CCDC136: variants seen among roughly 807,000 people sequenced by gnomAD.
The protein encoded by CCDC136 is coiled-coil domain containing 136.
Under a neutral mutation model 141.2 loss-of-function variants are expected in CCDC136, and 100 were observed. The ratio of observed to expected loss-of-function variants is 0.71; its 90% CI spans 0.60 to 0.84. CCDC136 has a LOEUF of 0.84. Ranked by LOEUF, CCDC136 falls within the 40% of genes least tolerant of loss-of-function variation. The pLI is 0.00. For synonymous variants in CCDC136, 474 were observed against 531.9 expected (o/e 0.89, Z 1.50); for missense variants, 1,206 against 1,379.4 (o/e 0.87, Z 1.99).
At chr7:128,811,428 G>C (rs950687891) in intron 12 of CCDC136, 1 of 457,368 alleles carries the variant, frequency 2.2e-6, no homozygotes, top group African/African-American at 2.0e-5. Context: ...GGTGGGCGAG[G>C]GGACTGAGCC....
In CCDC136 at chr7:128,815,812, G is replaced by A; in HGVS notation, c.3244G>A (p.Glu1082Lys). ...ATCCACAGAAGATCAGGAGGAAAAT[G>A]AAGAGGACAAAGAGGAAGAGGAGAA... ...AKSTEDQEEN[E>K]EDKEEEEKEE... The change falls in exon 16 of 18, where the codon GAA (glutamate) becomes AAA (lysine). Residue 1082 changes from glutamate to lysine, a missense_variant. Transcript: ENST00000297788. The A allele has an allele frequency of 5.0e-6, 8 of 1,606,524 alleles. No individual in the cohort carries two copies. The highest frequency in any genetic ancestry group is 6.8e-6 in the Non-Finnish European group (8 of 1,176,538).
At chr7:128,816,378 G>A (rs1444472427) in intron 16 of CCDC136, among the ~76,000 whole-genome samples, 1 of 152,208 alleles carries the variant, frequency 6.6e-6, no homozygotes, top group Non-Finnish European at 1.5e-5. Context: ...AACCTTTGTT[G>A]TTGCTGTTAG....
chr7:128,795,638 A>G (rs969990689), intron 3 of CCDC136, among the ~76,000 whole-genome samples: 1 of 152,104 alleles, frequency 6.6e-6, no homozygotes, highest in Non-Finnish European at 1.5e-5. Context: ...GTGGCAGGAC[A>G]CGTGTCACAT....
chr7:128,812,537 C>T (rs111429446), intron 13 of CCDC136, among the ~76,000 whole-genome samples, 171 bp from the exon 14 acceptor site: 122 of 151,892 alleles, frequency 8.0e-4, no homozygotes, highest in Non-Finnish European at 1.6e-3. Flanking sequence ...AGATTCAGTC[C>T]GTTTCCTCAC....
intron 1 of CCDC136, among the ~76,000 whole-genome samples, chr7:128,792,932 G>C (rs1802407928): frequency 6.6e-6 from 1 of 152,216 alleles, no homozygotes; most frequent in African/African-American, 2.4e-5. Flanking sequence ...CCCAACACAC[G>C]TGTATCCCCA....
rs1804639478 is a variant in CCDC136, at chr7:128,805,181, G to A, written c.783-178G>A. On this transcript the variant is annotated intron_variant, in intron 5 of 17. Transcript: ENST00000297788. This position sits in a 1 kb window ranked among gnomAD's most constrained non-coding sequence, Gnocchi z 4.6. ...TCCCAGAGCCAAACACACCTTTGCA[G>A]ATTGAGGGGCTGGAGACTTTCTGTA... is the stretch of plus-strand genomic sequence containing the variant. Among the ~76,000 whole-genome samples the A allele has an allele frequency of 1.3e-5, 2 of 152,288 alleles. No individual in the cohort carries two copies. Among genetic ancestry groups the A allele is most frequent in the Non-Finnish European group, 2.9e-5 (2 of 68,018 alleles).
Position 128,812,003 on chromosome 7 carries a change from C to T in CCDC136, c.2232C>T (p.Tyr744=), listed in dbSNP as rs367576294. The stretch of plus-strand genomic sequence containing the variant: ...CTATAAAAATGAGCCTTGAGTCCTA[C>T]GGGAAGAGCTATGGTAGCATGGTCC... ...SPSIKMSLES[Y]GKSYGSMVPS... Residue 744 remains tyrosine (Y), a synonymous_variant, in exon 13 of 18, where the codon TAC becomes TAT. Transcript: ENST00000297788. The T allele has an allele frequency of 9.0e-5, 145 of 1,613,826 alleles. No individual in the cohort carries two copies. Among genetic ancestry groups the T allele is most frequent in the South Asian group, 2.2e-4 (20 of 91,080 alleles).
chr7:128,806,678 T>A lies in CCDC136; in HGVS notation c.1249-10T>A, dbSNP rs771167227. On this transcript the variant is annotated splice_polypyrimidine_tract_variant and intron_variant, in intron 8 of 17. Transcript: ENST00000297788. ...CCCAAAGGCACTGCCCAAAGCCCCC[T>A]CTACCATAGGAGTTACTGTGCCGGC... 6 of 1,607,074 alleles carry A rather than the reference T, an allele frequency of 3.7e-6. No individual in the cohort carries two copies. The highest frequency in any genetic ancestry group is 4.2e-6 in the Non-Finnish European group (5 of 1,177,666).
chr7:128,803,476 C>T (rs112730179), intron 4 of CCDC136, among the ~76,000 whole-genome samples: 4,135 of 152,180 alleles, frequency 0.027, 187 homozygotes, highest in African/African-American at 0.095. Context: ...TGTGGCGGAA[C>T]CCCATCTTTA....
chr7:128,816,289 G>A (rs1806619715), intron 16 of CCDC136, among the ~76,000 whole-genome samples: 1 of 152,234 alleles, frequency 6.6e-6, no homozygotes, highest in Non-Finnish European at 1.5e-5. Flanking sequence ...CATTGACAGT[G>A]TGAAGTCTAC....
At chr7:128,792,614 G>A (rs545153655) in intron 1 of CCDC136, among the ~76,000 whole-genome samples, 187 bp downstream of exon 1, 1 of 152,044 alleles carries the variant, frequency 6.6e-6, no homozygotes, top group South Asian at 2.1e-4. Context: ...AGTTCAGGAT[G>A]CATCCCTTCG....
At chr7:128,806,012 C>A in intron 7 of CCDC136, 111 bp downstream of exon 7, 1 of 1,314,512 alleles carries the variant, frequency 7.6e-7, no homozygotes, top group Non-Finnish European at 1.1e-6. Context: ...TGACTCTTGC[C>A]CTGCAACTGG....
intron 14 of CCDC136, among the ~76,000 whole-genome samples, chr7:128,813,631 C>T (rs1806113667): frequency 6.6e-6 from 1 of 152,146 alleles, no homozygotes. Context: ...CAACACAGTT[C>T]TTTAAGTAAT....
chr7:128,805,932 G>C lies in CCDC136; in HGVS notation c.1089+31G>C. On this transcript the variant is annotated intron_variant, in intron 7 of 17. Coordinates refer to ENST00000297788, the MANE Select transcript of CCDC136 (RefSeq NM_022742.5). This position sits in a 1 kb window ranked among gnomAD's most constrained non-coding sequence, Gnocchi z 4.6. ...CACTGCCCGGGGAGGCATCTGGGGT[G>C]GGGGCAGAAGGGCCTCATGGAGGGG... 1 of 1,611,950 alleles carries C rather than the reference G, an allele frequency of 6.2e-7. No homozygotes were observed. Among genetic ancestry groups the C allele is most frequent in the South Asian group, 1.1e-5 (1 of 90,958 alleles).
intron 11 of CCDC136, 34 bp downstream of exon 11, chr7:128,809,678 G>T: frequency 7.0e-7 from 1 of 1,435,824 alleles, no homozygotes; most frequent in Non-Finnish European, 9.3e-7. Flanking sequence ...TAACTGCGGG[G>T]AAGCTGCTCT....
At chr7:128,800,393 T>C (rs1275976339) in intron 3 of CCDC136, among the ~76,000 whole-genome samples, 1 of 152,056 alleles carries the variant, frequency 6.6e-6, no homozygotes, top group Non-Finnish European at 1.5e-5. Flanking sequence ...CGGGCTCAAA[T>C]GATTCTCCTG....
chr7:128,804,937 C>T (rs990754798), intron 5 of CCDC136, among the ~76,000 whole-genome samples, 176 bp downstream of exon 5: 2 of 152,116 alleles, frequency 1.3e-5, no homozygotes, highest in African/African-American at 4.8e-5. Flanking sequence ...CATGGGGATC[C>T]GACCCAATTA....
chr7:128,815,007 C>T lies in CCDC136; in HGVS notation c.3045+88C>T, dbSNP rs941454576. The T allele has an allele frequency of 6.9e-6, 8 of 1,164,032 alleles. No individual in the cohort carries two copies. The Admixed American group carries it at 1.7e-4, about 24-fold the overall frequency. 72.1% of individuals were successfully genotyped at this position (1,164,032 alleles called of 1,614,324 possible). A position where few individuals can be genotyped will look rare whatever the true frequency, so the allele number is the denominator to read the frequency against. On this transcript the variant is annotated intron_variant, in intron 15 of 17. Coordinates refer to ENST00000297788, the MANE Select transcript of CCDC136 (RefSeq NM_022742.5). ...TGCCTCCACAACCCTTTCAACCAGG[C>T]AAGGGATTTGTAGAGAAGCTTCTGG...
chr7:128,815,310 G>A (rs927278898), intron 15 of CCDC136, among the ~76,000 whole-genome samples: 8 of 152,202 alleles, frequency 5.3e-5, no homozygotes, highest in Non-Finnish European at 1.0e-4. Flanking sequence ...AAAGAGGATT[G>A]GGTAAAAGAA....
Sources: gnomAD v4.1 joint callset for allele counts (sites outside exome capture counted in the v4.1 genomes callset) on GRCh38, gnomAD v4.1.1 for gene constraint, Gnocchi (gnomAD v3.1) non-coding constraint, MANE v1.5 for transcripts, NCBI Gene and HGNC (gene_info 2026-07-23, HGNC 2026-07-21) for gene names.